The following SLC1A3 variants were observed in gnomAD, a reference collection of about 807,000 sequenced individuals.
SLC1A3 encodes solute carrier family 1 member 3, also known as excitatory amino acid transporter 1.
SLC1A3 carries 21 observed loss-of-function variants against 48.1 expected under a neutral mutation model. The ratio of observed to expected loss-of-function variants is 0.44; its 90% confidence interval spans 0.31 to 0.63. The LOEUF is 0.63. SLC1A3 is among the 20% of genes least tolerant of loss of function. The pLI is 0.08. For missense variants in SLC1A3, 546 were observed against 689.0 expected, an observed-to-expected ratio of 0.79 and a Z score of 2.32; for synonymous variants, 239 against 251.4, an observed-to-expected ratio of 0.95 and a Z score of 0.47.
At chr5:36,666,862 T>G (rs926752764) in intron 3 of SLC1A3, among the ~76,000 whole-genome samples, 10 of 152,240 alleles carry the variant, frequency 6.6e-5, no homozygotes, top group Admixed American at 3.9e-4. Context: ...TTGGTGCATA[T>G]TTGTTGTGAC....
intron 1 of SLC1A3, 43 bp from the exon 2 acceptor site, chr5:36,608,286 C>G (rs1041452942): frequency 2.7e-6 from 2 of 744,476 alleles, no homozygotes; most frequent in Admixed American, 4.8e-5. Context: ...TGATTTCTCA[C>G]CCCTGGAGGC....
At chr5:36,674,198 C>G in intron 5 of SLC1A3, 107 bp downstream of exon 5, 1 of 903,638 alleles carries the variant, frequency 1.1e-6, no homozygotes, top group Non-Finnish European at 1.8e-6. Flanking sequence ...AGAAACACTT[C>G]TCTTGTCAAC....
At chr5:36,662,555 C>A (rs934835700) in intron 3 of SLC1A3, among the ~76,000 whole-genome samples, 3 of 152,182 alleles carry the variant, frequency 2.0e-5, no homozygotes, top group Non-Finnish European at 2.9e-5. Flanking sequence ...ATGAATTACT[C>A]TCTGGTTCCT....
intron 3 of SLC1A3, among the ~76,000 whole-genome samples, chr5:36,656,171 AT>A (rs1264633944): frequency 6.6e-6 from 1 of 152,210 alleles, no homozygotes; most frequent in Non-Finnish European, 1.5e-5. Flanking sequence ...GGTAAAAAAA[AT>A]ATGCTGGTTA....
chr5:36,683,789 C>T (rs1021902170), intron 8 of SLC1A3, 75 bp from the exon 9 acceptor site: 23 of 1,513,294 alleles, frequency 1.5e-5, no homozygotes, highest in East Asian at 4.5e-5. Flanking sequence ...CGGCACCGTG[C>T]GTATTTTGCA....
At chr5:36,630,020 G>T (rs1740076241) in intron 3 of SLC1A3, 1 of 235,708 alleles carries the variant, frequency 4.2e-6, no homozygotes, top group Non-Finnish European at 8.4e-6. Flanking sequence ...TTGAGCGGGA[G>T]CCTTCTTGGA....
chr5:36,670,094 T>C (rs1021536543), intron 3 of SLC1A3: 2 of 152,118 alleles, frequency 1.3e-5, no homozygotes, highest in Non-Finnish European at 2.9e-5. Flanking sequence ...ATATAGATAA[T>C]TTAATCTTTT....
chr5:36,599,778 T>A (rs1489558626), intron 1 of SLC1A3, among the ~76,000 whole-genome samples: 2 of 151,914 alleles, frequency 1.3e-5, no homozygotes, highest in African/African-American at 2.4e-5. Flanking sequence ...AGTGCTGCTG[T>A]GGTTGAACTT....
At chr5:36,617,063 G>A (rs1030936304) in intron 2 of SLC1A3, among the ~76,000 whole-genome samples, 7 of 152,080 alleles carry the variant, frequency 4.6e-5, no homozygotes, top group Middle Eastern at 3.2e-3. Flanking sequence ...TTTGCAGAGC[G>A]GTTTCAGTTT....
At chr5:36,658,567 GA>G (rs1285125988) in intron 3 of SLC1A3, among the ~76,000 whole-genome samples, 1 of 152,298 alleles carries the variant, frequency 6.6e-6, no homozygotes, top group Middle Eastern at 3.4e-3. Context: ...ATCTCAAAGG[GA>G]AAGGGTTAAA....
intron 3 of SLC1A3, among the ~76,000 whole-genome samples, chr5:36,641,106 T>C (rs1740601617): frequency 1.3e-5 from 2 of 152,132 alleles, no homozygotes; most frequent in South Asian, 4.1e-4. Context: ...TTTATATTAA[T>C]TACCAAAACC....
At chr5:36,641,889 A>G (rs1463177033) in intron 3 of SLC1A3, among the ~76,000 whole-genome samples, 1 of 152,252 alleles carries the variant, frequency 6.6e-6, no homozygotes. Context: ...AAGTAAAATT[A>G]TAAGCATATT....
intron 1 of SLC1A3, among the ~76,000 whole-genome samples, chr5:36,600,785 G>T (rs867604673): frequency 4.4e-4 from 67 of 152,208 alleles, no homozygotes; most frequent in African/African-American, 1.5e-3. Flanking sequence ...GATAGAATTT[G>T]ACTCAGGAGC....
intron 3 of SLC1A3, chr5:36,668,457 C>T (rs1205009220): frequency 6.6e-6 from 1 of 152,242 alleles, no homozygotes; most frequent in African/African-American, 2.4e-5. Context: ...GTTTTACAAG[C>T]TAGGGTACCT....
exon 1 of SLC1A3, among the ~76,000 whole-genome samples, chr5:36,596,620 A>G (rs1279792098): frequency 1.3e-5 from 2 of 152,222 alleles, no homozygotes; most frequent in Non-Finnish European, 2.9e-5. Flanking sequence ...GTAAAGGTGC[A>G]AGTCCAAGTA....
At position 36,677,140 on chromosome 5, in the gene SLC1A3, T is replaced by G. The variant is rs1331332370; in HGVS notation, c.816T>G (p.Asp272Glu). 1.2e-6 allele frequency: 2 copies of G among 1,614,102 alleles called. No homozygotes were observed. Among genetic ancestry groups the G allele is most frequent in the Non-Finnish European group, 1.7e-6 (2 of 1,179,918 alleles). ...EQGQALREFF[D>E]SLNEAIMRLV... ...GGCAGGCCCTGAGAGAGTTCTTTGA[T>G]TCTCTTAACGAAGCCATCATGAGAC... Residue 272 changes from aspartate (D) to glutamate (E), a missense_variant, in exon 6 of 10, where the codon GAT becomes GAG. Asp to Glu is a conservative substitution (Grantham distance 45). This residue lies in a region of SLC1A3 where 348 missense variants were observed against 392.0 expected (regional missense o/e 0.89). Coordinates refer to ENST00000265113, the MANE Select transcript of SLC1A3 (RefSeq NM_004172.5).
At chr5:36,616,596 A>G (rs1412463522) in intron 2 of SLC1A3, among the ~76,000 whole-genome samples, 2 of 152,222 alleles carry the variant, frequency 1.3e-5, no homozygotes, top group Non-Finnish European at 2.9e-5. Flanking sequence ...CACACAGAGA[A>G]GACAGCCGGC....
intron 2 of SLC1A3, among the ~76,000 whole-genome samples, chr5:36,623,435 T>C (rs1240845745): frequency 1.3e-5 from 2 of 152,172 alleles, no homozygotes; most frequent in African/African-American, 4.8e-5. Context: ...GATTCGTTCT[T>C]TTGCACTGAG....
chr5:36,608,900 A>AT (rs1422966031), intron 2 of SLC1A3: 5 of 1,105,366 alleles, frequency 4.5e-6, no homozygotes, highest in Non-Finnish European at 5.5e-6. Flanking sequence ...TCATTTAATC[A>AT]TTAGGCATGA....
Sources: allele counts gnomAD v4.1 joint callset (sites outside exome capture counted in the v4.1 genomes callset), GRCh38; gene constraint gnomAD v4.1.1; regional missense constraint gnomAD v4.1.1; transcripts MANE v1.5; gene names NCBI Gene and HGNC (gene_info 2026-07-23, HGNC 2026-07-21).